Variants in AKT3 observed in about 807,000 individuals in gnomAD.
AKT3 encodes the protein RAC-gamma serine/threonine-protein kinase.
In AKT3, 15 loss-of-function variants were observed where a neutral mutation model predicts 65.3. The ratio of observed to expected loss-of-function variants is 0.23; its 90% confidence interval spans 0.15 to 0.35. AKT3 has a LOEUF of 0.35. Among genes scored for constraint, AKT3 ranks in the 10% least tolerant of loss-of-function variants. The pLI, the probability that AKT3 is intolerant of heterozygous loss-of-function variation, is 1.00. For synonymous variants in AKT3, 206 were observed against 183.8 expected (o/e 1.12, Z -0.98); for missense variants, 243 against 576.5 (o/e 0.42, Z 5.92).
chr1:243,850,827 G>C (rs1401529845), upstream of AKT3, among the ~76,000 whole-genome samples: 1 of 151,974 alleles, frequency 6.6e-6, no homozygotes, highest in South Asian at 2.1e-4. Context: ...AGCCGGGAGC[G>C]GGGGCAGTCG....
At chr1:243,744,738 CAAAAAAAAA>C (rs932389262) in intron 2 of AKT3, among the ~76,000 whole-genome samples, 1 of 53,252 alleles carries the variant, frequency 1.9e-5, no homozygotes, top group East Asian at 5.7e-4. Flanking sequence ...GACTCCGTCT[CAAAAAAAAA>C]AAAAAAAAAA....
chr1:243,765,002 T>C (rs1346601597), intron 2 of AKT3, among the ~76,000 whole-genome samples: 2 of 152,136 alleles, frequency 1.3e-5, no homozygotes, highest in African/African-American at 2.4e-5. Context: ...GTAAATTCAT[T>C]TATACATATA....
intron 2 of AKT3, among the ~76,000 whole-genome samples, chr1:243,729,576 T>A (rs1687419264): frequency 6.6e-6 from 1 of 152,156 alleles, no homozygotes; most frequent in South Asian, 2.1e-4. Context: ...TAAAAAAAGA[T>A]CTGAAATCTA....
At chr1:243,648,478 T>C (rs909842711) in intron 4 of AKT3, among the ~76,000 whole-genome samples, 1 of 152,222 alleles carries the variant, frequency 6.6e-6, no homozygotes, top group Non-Finnish European at 1.5e-5. Context: ...GTTTAATTTG[T>C]TGATACTTTG....
intron 2 of AKT3, among the ~76,000 whole-genome samples, chr1:243,783,537 T>A (rs1691044317): frequency 6.6e-6 from 1 of 152,166 alleles, no homozygotes; most frequent in Non-Finnish European, 1.5e-5. Flanking sequence ...GAAGAATGCA[T>A]AAACTTCAGT....
intron 2 of AKT3, among the ~76,000 whole-genome samples, chr1:243,727,170 G>A (rs763989421): frequency 6.6e-6 from 1 of 152,156 alleles, no homozygotes; most frequent in Non-Finnish European, 1.5e-5. Context: ...GTCAAAATCA[G>A]GACAAGGCAG....
intron 2 of AKT3, among the ~76,000 whole-genome samples, chr1:243,829,180 T>C (rs1377845060): frequency 6.6e-6 from 1 of 152,198 alleles, no homozygotes; most frequent in African/African-American, 2.4e-5. Flanking sequence ...TTTAGCTTTA[T>C]ATTGGCATGA....
chr1:243,807,058 C>A (rs1042611218), intron 2 of AKT3, among the ~76,000 whole-genome samples: 1 of 152,140 alleles, frequency 6.6e-6, no homozygotes, highest in African/African-American at 2.4e-5. Context: ...GGGAGCAGTT[C>A]CAAGATGGCC....
intron 2 of AKT3, among the ~76,000 whole-genome samples, chr1:243,838,854 T>C (rs1044707493): frequency 6.6e-6 from 1 of 152,166 alleles, no homozygotes; most frequent in Non-Finnish European, 1.5e-5. Context: ...AAGCCAAAAC[T>C]GGTTACACAT....
chr1:243,756,245 G>A (rs1282572528), intron 2 of AKT3, among the ~76,000 whole-genome samples: 1 of 152,154 alleles, frequency 6.6e-6, no homozygotes, highest in Non-Finnish European at 1.5e-5. Context: ...TGACAACAGT[G>A]ACACTCAATA....
At chr1:243,838,989 A>T (rs1333066445) in intron 2 of AKT3, among the ~76,000 whole-genome samples, 2 of 152,178 alleles carry the variant, frequency 1.3e-5, no homozygotes, top group Non-Finnish European at 2.9e-5. Context: ...TAGATTTATG[A>T]CAATCTCAAA....
chr1:243,603,846 A>G (rs1677194631), intron 8 of AKT3, among the ~76,000 whole-genome samples: 1 of 152,024 alleles, frequency 6.6e-6, no homozygotes, highest in Admixed American at 6.5e-5. Context: ...TCTAATAACT[A>G]AATATTACTA....
At chr1:243,796,026 T>A (rs1003667218) in intron 2 of AKT3, among the ~76,000 whole-genome samples, 2 of 152,146 alleles carry the variant, frequency 1.3e-5, no homozygotes, top group Non-Finnish European at 2.9e-5. Flanking sequence ...ATCTGGTGCC[T>A]CCAAATGCTG....
chr1:243,831,813 CCAA>C (rs923786734), intron 2 of AKT3, among the ~76,000 whole-genome samples: 1 of 152,002 alleles, frequency 6.6e-6, no homozygotes, highest in African/African-American at 2.4e-5. Context: ...CCCCTCCCCC[CCAA>C]CAAGATACAA....
intron 2 of AKT3, among the ~76,000 whole-genome samples, chr1:243,696,559 C>G (rs320306): frequency 0.047 from 7,133 of 152,078 alleles, 569 homozygotes; most frequent in African/African-American, 0.16. Flanking sequence ...CAGTTCTCTA[C>G]TGGTTATTTC....
chr1:243,514,892 T>C (rs1670251520), intron 12 of AKT3, among the ~76,000 whole-genome samples: 1 of 152,188 alleles, frequency 6.6e-6, no homozygotes, highest in Non-Finnish European at 1.5e-5. Flanking sequence ...CATGAAACTG[T>C]CACCAAAATC....
intron 12 of AKT3, among the ~76,000 whole-genome samples, chr1:243,528,515 C>T (rs777968485): frequency 3.3e-5 from 5 of 152,094 alleles, no homozygotes; most frequent in Non-Finnish European, 4.4e-5. Flanking sequence ...TGCTCTTCCT[C>T]TCTTTGTGTT....
rs541356483 is a variant in AKT3, at chr1:243,834,738, T to TA, written c.46+8386dup. Among the ~76,000 whole-genome samples, 473 of 144,856 alleles carry TA rather than the reference T, an allele frequency of 3.3e-3. 4 individuals carry two copies. Among genetic ancestry groups the TA allele is most frequent in the African/African-American group, 0.011 (433 of 39,464 alleles). On this transcript the variant is annotated intron_variant, in intron 2 of 13. Coordinates refer to ENST00000673466, the MANE Select transcript of AKT3 (RefSeq NM_005465.7). ...TAATGTATTCTGGAAACTAAAAGTTTAAAAAAAAAAGCTAAGGAAAAGTTC... is the reference window on the plus strand; with the variant it reads ...TAATGTATTCTGGAAACTAAAAGTTTAAAAAAAAAAAGCTAAGGAAAAGTTC...
chr1:243,491,233 A>G (rs1177908594), intron 13 of AKT3, among the ~76,000 whole-genome samples: 1 of 152,202 alleles, frequency 6.6e-6, no homozygotes, highest in East Asian at 1.9e-4. Context: ...AAATCTGGCT[A>G]TTGCCAAATG....
Sources: allele counts gnomAD v4.1 joint callset (sites outside exome capture counted in the v4.1 genomes callset), GRCh38; gene constraint gnomAD v4.1.1; transcripts MANE v1.5; gene names NCBI Gene and HGNC (gene_info 2026-07-23, HGNC 2026-07-21).